PCCA: variants seen among roughly 807,000 people sequenced by gnomAD.
PCCA encodes the protein propionyl-CoA carboxylase alpha chain, mitochondrial.
A neutral mutation model predicts 101.3 loss-of-function variants in PCCA; 74 were observed. That is an observed-to-expected ratio of 0.73 (90% confidence interval 0.61 to 0.89). The LOEUF (loss-of-function observed/expected upper bound fraction) is 0.89. Ranked by LOEUF, PCCA falls within the 40% of genes least tolerant of loss-of-function variation. The pLI is 0.00. For missense variants in PCCA, 891 were observed against 907.0 expected (o/e 0.98, Z 0.23); for synonymous variants, 294 against 313.6 (o/e 0.94, Z 0.66).
At chr13:100,263,982 CATATAT>C (rs975264713) in intron 10 of PCCA, among the ~76,000 whole-genome samples, 3 of 143,426 alleles carry the variant, frequency 2.1e-5, no homozygotes, top group African/African-American at 5.2e-5. Flanking sequence ...ATCTGTATGT[CATATAT>C]ACGGTATCTG....
chr13:100,375,910 A>G (rs1183855150), intron 19 of PCCA, among the ~76,000 whole-genome samples: 5 of 152,234 alleles, frequency 3.3e-5, no homozygotes, highest in African/African-American at 4.8e-5. Flanking sequence ...TCACATGCAA[A>G]GACACACATA....
Position 100,146,811 on chromosome 13 carries a change from A to C in PCCA, c.301-8168A>C, listed in dbSNP as rs144482518. On this transcript the variant is annotated intron_variant, in intron 4 of 23. Transcript: ENST00000376285. ...AGATTTTAAATGTGTAGTTTGTGGT[A>C]TTTGTATTTAAATTAAATATTTTTC... is the stretch of plus-strand genomic sequence containing the variant. 1.3e-3 allele frequency among the ~76,000 whole-genome samples: 201 copies of C among 150,252 alleles called. 6 individuals carry two copies. Among genetic ancestry groups the C allele is most frequent in the African/African-American group, 4.9e-3 (194 of 39,656 alleles).
At chr13:100,462,622 AT>A (rs2082244929) in intron 21 of PCCA, among the ~76,000 whole-genome samples, 1 of 152,202 alleles carries the variant, frequency 6.6e-6, no homozygotes, top group Non-Finnish European at 1.5e-5. Context: ...TTTGCATTTT[AT>A]TTGTCAAGTA....
chr13:100,498,197 A>T (rs2085411789), intron 21 of PCCA, among the ~76,000 whole-genome samples: 2 of 149,676 alleles, frequency 1.3e-5, no homozygotes, highest in Admixed American at 6.8e-5. Context: ...AGTTATCGCC[A>T]GTTGCCTCTC....
In PCCA at chr13:100,330,680, G is replaced by T; in HGVS notation, c.1540+9G>T. The stretch of plus-strand genomic sequence containing the variant: ...TCCTGATGGCTTCAAAGGTTTGTAT[G>T]CATTAAAATATTTTAGTGTTTTAAA... On this transcript the variant is annotated intron_variant, in intron 17 of 23. Coordinates refer to ENST00000376285, the MANE Select transcript of PCCA (RefSeq NM_000282.4). 7.0e-7 allele frequency: 1 copy of T among 1,431,378 alleles called. No homozygotes were observed. Among genetic ancestry groups the T allele is most frequent in the African/African-American group, 1.4e-5 (1 of 71,616 alleles). 88.7% of individuals were successfully genotyped at this position (1,431,378 alleles called of 1,614,324 possible).
At chr13:100,291,183 C>G (rs1328834320) in intron 12 of PCCA, among the ~76,000 whole-genome samples, 1 of 152,030 alleles carries the variant, frequency 6.6e-6, no homozygotes, top group African/African-American at 2.4e-5. Context: ...GAGGCTGAGG[C>G]AGGAGGACTG....
chr13:100,223,485 T>C (rs1200535729), intron 7 of PCCA, among the ~76,000 whole-genome samples: 2 of 152,096 alleles, frequency 1.3e-5, no homozygotes, highest in African/African-American at 4.8e-5. Context: ...GGGCTTGTGG[T>C]CTCGCTGGCT....
intron 4 of PCCA, among the ~76,000 whole-genome samples, chr13:100,153,776 A>G (rs559650906): frequency 1.6e-4 from 24 of 152,216 alleles, no homozygotes; most frequent in Non-Finnish European, 3.1e-4. Context: ...GTATTATTAA[A>G]TAATTACCGA....
intron 21 of PCCA, chr13:100,479,739 G>A (rs947438974): frequency 6.6e-6 from 1 of 152,078 alleles, no homozygotes; most frequent in African/African-American, 2.4e-5. Context: ...AATCCATGTT[G>A]CTCAAGGCTC....
intron 6 of PCCA, among the ~76,000 whole-genome samples, chr13:100,194,019 C>T (rs4771355): frequency 0.33 from 50,079 of 151,116 alleles, 9,135 homozygotes; most frequent in East Asian, 0.71. Context: ...TGCAGTGAGC[C>T]GAGATTGTGC....
chr13:100,162,088 G>A (rs1410887012), intron 6 of PCCA, among the ~76,000 whole-genome samples: 1 of 150,890 alleles, frequency 6.6e-6, no homozygotes, highest in Non-Finnish European at 1.5e-5. Flanking sequence ...GTATGTGTGT[G>A]TGTGTGTGTG....
intron 19 of PCCA, among the ~76,000 whole-genome samples, chr13:100,403,492 CA>C (rs1409855472): frequency 6.6e-6 from 1 of 152,072 alleles, no homozygotes; most frequent in Non-Finnish European, 1.5e-5. Context: ...GGAGCAGGTG[CA>C]TCACATGGTG....
chr13:100,216,111 C>T (rs1187181185), intron 7 of PCCA, among the ~76,000 whole-genome samples: 4 of 151,860 alleles, frequency 2.6e-5, no homozygotes, highest in Admixed American at 2.0e-4. Context: ...CTTTCCCTTC[C>T]CCTTCCCTTT....
chr13:100,156,063 CT>C (rs1034695034), intron 5 of PCCA, among the ~76,000 whole-genome samples: 1 of 151,316 alleles, frequency 6.6e-6, no homozygotes, highest in Admixed American at 6.6e-5. Flanking sequence ...CTTAGTTCAG[CT>C]TTTTTTTTGT....
At chr13:100,519,215 C>T (rs1177623980) in intron 22 of PCCA, among the ~76,000 whole-genome samples, 2 of 152,242 alleles carry the variant, frequency 1.3e-5, no homozygotes, top group African/African-American at 4.8e-5. Flanking sequence ...AGAAACAAAC[C>T]ATAAGCTGCT....
At chr13:100,438,483 A>G (rs376585193) in intron 20 of PCCA, among the ~76,000 whole-genome samples, 161 of 152,260 alleles carry the variant, frequency 1.1e-3, no homozygotes, top group African/African-American at 3.6e-3. Flanking sequence ...AGTCTCGTGA[A>G]TGCCTCCTGA....
chr13:100,330,538 A>G (rs772018110), intron 16 of PCCA, 23 bp from the exon 17 acceptor site: 8 of 1,361,372 alleles, frequency 5.9e-6, no homozygotes, highest in Admixed American at 1.7e-5. Context: ...TTGTTCTTCA[A>G]TTTGATATCA....
At chr13:100,518,397 G>A (rs1046093467) in intron 22 of PCCA, among the ~76,000 whole-genome samples, 3 of 152,166 alleles carry the variant, frequency 2.0e-5, no homozygotes, top group Admixed American at 6.5e-5. Flanking sequence ...ATCCGCTCGG[G>A]GCGCTTGGTG....
intron 7 of PCCA, among the ~76,000 whole-genome samples, chr13:100,226,517 A>G (rs145022631): frequency 1.6e-4 from 24 of 152,308 alleles, no homozygotes; most frequent in African/African-American, 2.2e-4. Flanking sequence ...GCATCTGGGA[A>G]GAATGATTCG....
Sources: allele counts gnomAD v4.1 joint callset (sites outside exome capture counted in the v4.1 genomes callset), GRCh38; gene constraint gnomAD v4.1.1; transcripts MANE v1.5; gene names NCBI Gene and HGNC (gene_info 2026-07-23, HGNC 2026-07-21).